The following AHCYL2 variants were observed in gnomAD, a reference collection of about 807,000 sequenced individuals.
AHCYL2 encodes S-adenosylhomocysteine hydrolase-like protein 2.
In AHCYL2, 28 loss-of-function variants were observed where a neutral mutation model predicts 81.4. The ratio of observed to expected loss-of-function variants is 0.34; its 90% CI spans 0.25 to 0.47. AHCYL2 has a LOEUF of 0.47. AHCYL2 is among the 20% of genes least tolerant of loss of function. The pLI is 1.00. For missense variants in AHCYL2, 551 were observed against 785.1 expected (o/e 0.70, Z 3.56); for synonymous variants, 272 against 290.2 (o/e 0.94, Z 0.64).
At chr7:129,263,847 C>A (rs1263335656) in intron 1 of AHCYL2, among the ~76,000 whole-genome samples, 2 of 152,024 alleles carry the variant, frequency 1.3e-5, no homozygotes, top group Non-Finnish European at 2.9e-5. Context: ...AAACTAAGGG[C>A]CTGGCAATAG....
chr7:129,411,170 G>A (rs1425465354), intron 11 of AHCYL2, among the ~76,000 whole-genome samples: 1 of 151,528 alleles, frequency 6.6e-6, no homozygotes, highest in African/African-American at 2.4e-5. Context: ...CACAGAGTTT[G>A]TACAACCATC....
rs146850158 is a variant in AHCYL2, at chr7:129,386,694, C to G, written c.476-2362C>G. ...GGGGAAATTTTCAAATTTTGTTTTG[C>G]TTTTTGGTTTTCTTCTGACTCATTC... On this transcript the variant is annotated intron_variant, in intron 2 of 16. Coordinates refer to ENST00000325006, the MANE Select transcript of AHCYL2 (RefSeq NM_015328.4). Among the ~76,000 whole-genome samples the G allele has an allele frequency of 2.5e-3, 379 of 152,020 alleles. 3 individuals carry two copies. The highest frequency in any genetic ancestry group is 8.5e-3 in the African/African-American group (352 of 41,478).
chr7:129,356,961 G>A (rs1793754591), intron 1 of AHCYL2, among the ~76,000 whole-genome samples: 1 of 152,108 alleles, frequency 6.6e-6, no homozygotes. Flanking sequence ...TAAAATTATT[G>A]TCTTTTAATA....
At chr7:129,331,650 T>A (rs2150803794) in intron 1 of AHCYL2, among the ~76,000 whole-genome samples, 1 of 151,138 alleles carries the variant, frequency 6.6e-6, no homozygotes, top group Non-Finnish European at 1.5e-5. Flanking sequence ...AAGACCAGCC[T>A]GGCCAAAATA....
rs1795492895 is a variant in AHCYL2, at chr7:129,258,270, A to T, written c.363+32831A>T. Among the ~76,000 whole-genome samples, 3 of 148,498 alleles carry T rather than the reference A, an allele frequency of 2.0e-5. No homozygotes were observed. The Admixed American group carries it at 2.0e-4, about 10-fold the overall frequency. On this transcript the variant is annotated intron_variant, in intron 1 of 16. Coordinates refer to ENST00000325006, the MANE Select transcript of AHCYL2 (RefSeq NM_015328.4). ...TGCCTTTAAAAGGAAAAAAAAAAAG[A>T]ATCCCCCATCCTTCACTTTTTCTGT...
chr7:129,259,870 A>G (rs1795556612), intron 1 of AHCYL2, among the ~76,000 whole-genome samples: 1 of 152,284 alleles, frequency 6.6e-6, no homozygotes, highest in Admixed American at 6.5e-5. Flanking sequence ...TGAGGTCAGG[A>G]GTTCGAGACC....
At chr7:129,314,743 C>T (rs1797774329) in intron 1 of AHCYL2, among the ~76,000 whole-genome samples, 1 of 152,220 alleles carries the variant, frequency 6.6e-6, no homozygotes, top group Non-Finnish European at 1.5e-5. Context: ...GGTGGGGACA[C>T]ATAGGACACA....
At chr7:129,237,504 C>T (rs1318204275) in intron 1 of AHCYL2, among the ~76,000 whole-genome samples, 1 of 151,924 alleles carries the variant, frequency 6.6e-6, no homozygotes, top group Non-Finnish European at 1.5e-5. Flanking sequence ...CCTGATACTA[C>T]TGATTTAGTG....
At chr7:129,379,519 A>G (rs770491260) in intron 1 of AHCYL2, 119 bp from the exon 2 acceptor site, 29 of 698,154 alleles carry the variant, frequency 4.2e-5, no homozygotes, top group Non-Finnish European at 3.8e-5. Flanking sequence ...TATCCCAAAC[A>G]TAGGTTGATA....
chr7:129,426,386 T>C lies in AHCYL2; in HGVS notation c.1709-57T>C, dbSNP rs1376456547. ...TTTTTAAGGCCTAGCTTGGGGACAA[T>C]AGCCATCAGATAAAAGGCATGAATG... On this transcript the variant is annotated intron_variant, in intron 15 of 16. Transcript: ENST00000325006. The surrounding 1 kb of genome is among the most constrained non-coding windows in gnomAD (Gnocchi z 4.3). 1.2e-6 allele frequency: 2 copies of C among 1,613,602 alleles called. No homozygotes were observed. The highest frequency in any genetic ancestry group is 2.2e-5 in the South Asian group (2 of 91,066).
At chr7:129,301,513 T>A (rs1797255132) in intron 1 of AHCYL2, among the ~76,000 whole-genome samples, 1 of 152,232 alleles carries the variant, frequency 6.6e-6, no homozygotes, top group Non-Finnish European at 1.5e-5. Context: ...TTTAAATCTT[T>A]AATCTATTTT....
chr7:129,240,130 G>T (rs974682588), intron 1 of AHCYL2, among the ~76,000 whole-genome samples: 4 of 151,904 alleles, frequency 2.6e-5, no homozygotes, highest in South Asian at 2.1e-4. Flanking sequence ...CAGGAGAATC[G>T]CTTGAACCCG....
At chr7:129,233,634 C>T (rs950843715) in intron 1 of AHCYL2, among the ~76,000 whole-genome samples, 5 of 152,050 alleles carry the variant, frequency 3.3e-5, no homozygotes, top group Admixed American at 6.6e-5. Context: ...ACTACAGGCA[C>T]GCACTACCAC....
intron 1 of AHCYL2, among the ~76,000 whole-genome samples, chr7:129,306,564 ATC>A (rs35443669): frequency 0.062 from 9,370 of 152,094 alleles, 923 homozygotes; most frequent in African/African-American, 0.21. Context: ...AAGGTCACAT[ATC>A]TCTGTTTCTC....
intron 1 of AHCYL2, among the ~76,000 whole-genome samples, chr7:129,297,393 A>G (rs1482167669): frequency 2.0e-5 from 3 of 152,190 alleles, no homozygotes; most frequent in Non-Finnish European, 4.4e-5. Context: ...ACAGGCCCCA[A>G]GGGAGAAGCG....
chr7:129,299,369 G>GTTTT lies in AHCYL2; in HGVS notation c.363+73969_363+73972dup, dbSNP rs71162592. 1.2e-3 allele frequency among the ~76,000 whole-genome samples: 56 copies of GTTTT among 46,306 alleles called. 12 individuals are homozygous for GTTTT. The highest frequency in any genetic ancestry group is 3.1e-3 in the South Asian group (3 of 976). The allele number at this position is 46,306 out of a possible 152,430, so 30.4% of individuals were successfully genotyped here. A position where few individuals can be genotyped will look rare whatever the true frequency, so the allele number is the denominator to read the frequency against. ...AGGCTGAGGTGGGAGAGTCCAACTT[G>GTTTT]TTTTTTTTTTTTTTTTTTTTTTTTT... is the stretch of plus-strand genomic sequence containing the variant. On this transcript the variant is annotated intron_variant, in intron 1 of 16. Coordinates refer to ENST00000325006, the MANE Select transcript of AHCYL2 (RefSeq NM_015328.4).
At chr7:129,249,360 A>G (rs1795169264) in intron 1 of AHCYL2, among the ~76,000 whole-genome samples, 1 of 152,062 alleles carries the variant, frequency 6.6e-6, no homozygotes, top group Non-Finnish European at 1.5e-5. Context: ...TATTACCATT[A>G]CCACTATCTA....
intron 13 of AHCYL2, 120 bp from the exon 14 acceptor site, chr7:129,424,754 T>A: frequency 2.9e-6 from 3 of 1,041,002 alleles, no homozygotes; most frequent in Non-Finnish European, 1.5e-6. Flanking sequence ...TAGCTGCTTT[T>A]TTTCCAGCAG....
chr7:129,229,686 C>CA (rs1388945176), intron 1 of AHCYL2, among the ~76,000 whole-genome samples: 4 of 152,052 alleles, frequency 2.6e-5, no homozygotes, highest in Admixed American at 1.3e-4. Context: ...ATCCCAAGAC[C>CA]AAAGTAAGGC....
Sources: gnomAD v4.1 joint callset for allele counts (sites outside exome capture counted in the v4.1 genomes callset) on GRCh38, gnomAD v4.1.1 for gene constraint, Gnocchi (gnomAD v3.1) non-coding constraint, MANE v1.5 for transcripts, NCBI Gene and HGNC (gene_info 2026-07-23, HGNC 2026-07-21) for gene names.